The following CCDC174 variants were observed in gnomAD, a reference collection of about 807,000 sequenced individuals.
CCDC174 encodes coiled-coil domain-containing protein 174.
In CCDC174, 37 loss-of-function variants were observed where a neutral mutation model predicts 57.1. The observed-to-expected ratio is 0.65, with a 90% CI of 0.50 to 0.85. The LOEUF (loss-of-function observed/expected upper bound fraction) is 0.85, where lower values mean the gene tolerates loss of function less well. CCDC174 is among the 40% of genes least tolerant of loss of function. CCDC174 has a pLI of 0.00. For synonymous variants in CCDC174, 182 were observed against 190.2 expected, an observed-to-expected ratio of 0.96 and a Z score of 0.35; for missense variants, 540 against 574.3, an observed-to-expected ratio of 0.94 and a Z score of 0.61.
chr3:14,664,925 G>A lies in CCDC174; in HGVS notation c.486-103G>A. 6 of 796,832 alleles carry A rather than the reference G, an allele frequency of 7.5e-6. No individual in the cohort carries two copies. The South Asian group carries it at 8.7e-5, about 12-fold the overall frequency. The allele number at this position is 796,832 out of a possible 1,614,324, so 49.4% of individuals were successfully genotyped here. A position where few individuals can be genotyped will look rare whatever the true frequency, so the allele number is the denominator to read the frequency against. On this transcript the variant is annotated intron_variant, in intron 5 of 10. Coordinates refer to ENST00000383794, the MANE Select transcript of CCDC174 (RefSeq NM_016474.5). ...TCTCTGAGGTTGGGGGCTCTTCTTG[G>A]TAGTGAGGCCTATCTTCCCCCTTCA...
intron 10 of CCDC174, among the ~76,000 whole-genome samples, chr3:14,670,387 A>G (rs960837187): frequency 2.0e-5 from 3 of 152,238 alleles, no homozygotes; most frequent in Admixed American, 6.5e-5. Flanking sequence ...TAAATTCTCC[A>G]GAGTGTCCAC....
At chr3:14,658,961 T>C in intron 4 of CCDC174, 32 bp downstream of exon 4, 1 of 1,458,586 alleles carries the variant, frequency 6.9e-7, no homozygotes, top group East Asian at 2.4e-5. Context: ...TACTTCATTT[T>C]CTATAATGCA....
Position 14,661,576 on chromosome 3 carries a change from C to T in CCDC174, c.354C>T (p.Ile118=). 1 of 1,614,106 alleles carries T rather than the reference C, an allele frequency of 6.2e-7. No homozygotes were observed. The change falls in exon 5 of 11, where the codon ATC becomes ATT. Residue 118 remains isoleucine, a synonymous_variant. Coordinates refer to ENST00000383794, the MANE Select transcript of CCDC174 (RefSeq NM_016474.5). ...ACCTTGTGGATTTCACACAGAAGATCATAGACAAGCGCAAAGAAATGGAGG... is the reference window on the plus strand; with the variant it reads ...ACCTTGTGGATTTCACACAGAAGATTATAGACAAGCGCAAAGAAATGGAGG... ...DMYLVDFTQK[I]IDKRKEMEAS...
rs558741704 is a variant in CCDC174 at position 14,671,051 on chromosome 3, C to G, written c.1261C>G (p.Pro421Ala). 1 of 1,614,116 alleles carries G rather than the reference C, an allele frequency of 6.2e-7. No homozygotes were observed. Among genetic ancestry groups the G allele is most frequent in the Non-Finnish European group, 8.5e-7 (1 of 1,180,010 alleles). ...WSRPGPAQSD[P>A]GQCPDQSHGP... is the part of the protein sequence containing the mutation. The stretch of plus-strand genomic sequence containing the variant: ...CAGACCTGGGCCAGCACAGAGTGAC[C>G]CAGGGCAGTGCCCTGACCAGAGCCA... The change falls in exon 11 of 11, where the codon CCA becomes GCA. Residue 421 changes from proline to alanine, a missense_variant. Pro to Ala is a conservative substitution (Grantham distance 27). Coordinates refer to ENST00000383794, the MANE Select transcript of CCDC174 (RefSeq NM_016474.5).
chr3:14,671,202 A>G lies in CCDC174; in HGVS notation c.*8A>G. ...TACAAACAAGTGACATGATCTTTCA[A>G]AGCACGCTGACTTGGGTTTGTACTT... On this transcript the variant is annotated 3_prime_UTR_variant, in exon 11 of 11. Coordinates refer to ENST00000383794, the MANE Select transcript of CCDC174 (RefSeq NM_016474.5). The G allele has an allele frequency of 6.2e-7, 1 of 1,600,036 alleles. No homozygotes were observed. The highest frequency in any genetic ancestry group is 8.5e-7 in the Non-Finnish European group (1 of 1,170,810).
At chr3:14,653,314 G>T in intron 1 of CCDC174, among the ~76,000 whole-genome samples, 1 of 152,208 alleles carries the variant, frequency 6.6e-6, no homozygotes, top group East Asian at 1.9e-4. Context: ...GGAAAATTTG[G>T]TGTGGTTAAG....
At chr3:14,663,405 A>T (rs2031217550) in intron 5 of CCDC174, among the ~76,000 whole-genome samples, 1 of 152,170 alleles carries the variant, frequency 6.6e-6, no homozygotes, top group Non-Finnish European at 1.5e-5. Flanking sequence ...TTTATTACTG[A>T]CACATACTAG....
In CCDC174 at chr3:14,656,452, C is replaced by T. The variant is rs564508960; in HGVS notation, c.248+823C>T. Among the ~76,000 whole-genome samples the T allele has an allele frequency of 9.1e-4, 138 of 152,262 alleles. 1 individual carries two copies. Among genetic ancestry groups the T allele is most frequent in the African/African-American group, 3.2e-3 (133 of 41,536 alleles). ...GCAGTGTCCCACAACCAATTAGAGTCGTATGAAATGTTTTTGGTAAGAATA... is the reference window on the plus strand; with the variant it reads ...GCAGTGTCCCACAACCAATTAGAGTTGTATGAAATGTTTTTGGTAAGAATA... On this transcript the variant is annotated intron_variant, in intron 3 of 10. Coordinates refer to ENST00000383794, the MANE Select transcript of CCDC174 (RefSeq NM_016474.5).
intron 4 of CCDC174, among the ~76,000 whole-genome samples, chr3:14,661,235 G>A (rs1451877439): frequency 1.3e-5 from 2 of 152,218 alleles, no homozygotes; most frequent in Non-Finnish European, 2.9e-5. Context: ...TGGATGAGTT[G>A]CATAAAATCA....
Position 14,665,032 on chromosome 3 carries a change from G to A in CCDC174, c.490G>A (p.Asp164Asn). ...PPQDPSEEWV[D>N]YVDSLGRSRR... is the part of the protein sequence containing the mutation. ...ATCTTTTTGCTTTCATTTCAGGGTG[G>A]ATTACGTGGACTCTTTGGGGCGTTC... Residue 164 changes from aspartate (D) to asparagine (N), a missense_variant, in exon 6 of 11, where the codon GAT becomes AAT. Coordinates refer to ENST00000383794, the MANE Select transcript of CCDC174 (RefSeq NM_016474.5). 1 of 1,613,084 alleles carries A rather than the reference G, an allele frequency of 6.2e-7. No homozygotes were observed. The highest frequency in any genetic ancestry group is 8.5e-7 in the Non-Finnish European group (1 of 1,179,102).
intron 9 of CCDC174, among the ~76,000 whole-genome samples, chr3:14,668,388 G>T (rs1397871834): frequency 6.6e-6 from 1 of 152,200 alleles, no homozygotes; most frequent in Non-Finnish European, 1.5e-5. Flanking sequence ...ATGAGGATAT[G>T]AAGCAACAAT....
At position 14,671,166 on chromosome 3, in the gene CCDC174, T is replaced by C. The variant is rs1297439753; in HGVS notation, c.1376T>C (p.Met459Thr). Residue 459 changes from methionine (M) to threonine (T), a missense_variant, in exon 11 of 11, where the codon ATG (methionine) becomes ACG (threonine). By Grantham distance (81) the Met-to-Thr change is moderately conservative. Coordinates refer to ENST00000383794, the MANE Select transcript of CCDC174 (RefSeq NM_016474.5). ...PTVTFKTLDD[M>T]ISYYKQVT ...GTTACTTTCAAAACTCTGGATGACA[T>C]GATTTCCTATTACAAACAAGTGACA... 6.2e-7 allele frequency: 1 copy of C among 1,611,696 alleles called. No individual in the cohort carries two copies. The highest frequency in any genetic ancestry group is 8.5e-7 in the Non-Finnish European group (1 of 1,178,190).
At chr3:14,659,842 C>T (rs2031072002) in intron 4 of CCDC174, among the ~76,000 whole-genome samples, 1 of 152,172 alleles carries the variant, frequency 6.6e-6, no homozygotes, top group Non-Finnish European at 1.5e-5. Flanking sequence ...TTGGGCTTAG[C>T]TTTGGCAAGC....
At chr3:14,660,159 T>G (rs544257785) in intron 4 of CCDC174, among the ~76,000 whole-genome samples, 1 of 152,368 alleles carries the variant, frequency 6.6e-6, no homozygotes, top group African/African-American at 2.4e-5. Flanking sequence ...GCCTATGGCC[T>G]TATAACTCAG....
intron 2 of CCDC174, 38 bp from the exon 3 acceptor site, chr3:14,655,491 C>A: frequency 2.2e-6 from 3 of 1,351,968 alleles, no homozygotes; most frequent in South Asian, 1.3e-5. Context: ...TTTTGGCAAT[C>A]ATGTGGTTCT....
chr3:14,664,468 G>C (rs1279539392), intron 5 of CCDC174, among the ~76,000 whole-genome samples: 4 of 152,192 alleles, frequency 2.6e-5, no homozygotes, highest in Non-Finnish European at 4.4e-5. Flanking sequence ...TGTCTAGTTT[G>C]AGCAAAGATG....
At chr3:14,666,989 C>CTGAT (rs2031366156) in intron 7 of CCDC174, 42 bp downstream of exon 7, 6 of 1,514,546 alleles carry the variant, frequency 4.0e-6, no homozygotes, top group Non-Finnish European at 5.3e-6. Context: ...TTATTTTTAA[C>CTGAT]CTTAAACTGA....
At position 14,669,931 on chromosome 3, in the gene CCDC174, T is replaced by C. The variant is rs1458738264; in HGVS notation, c.953-3T>C. ...CAGTGTCTTATTCTTTTACAAAAAA[T>C]AGATGGAGATGTTATTGGGCCTTTG... On this transcript the variant is annotated splice_polypyrimidine_tract_variant and splice_region_variant and intron_variant, in intron 9 of 10. Transcript: ENST00000383794. 1 of 1,613,684 alleles carries C rather than the reference T, an allele frequency of 6.2e-7. No individual in the cohort carries two copies. Among genetic ancestry groups the C allele is most frequent in the Non-Finnish European group, 8.5e-7 (1 of 1,179,828 alleles).
chr3:14,660,731 C>T (rs996213900), intron 4 of CCDC174, among the ~76,000 whole-genome samples: 1 of 152,164 alleles, frequency 6.6e-6, no homozygotes, highest in Non-Finnish European at 1.5e-5. Context: ...GAAAACACCA[C>T]CCCTGGTAAT....
Sources: gnomAD v4.1 joint callset for allele counts (sites outside exome capture counted in the v4.1 genomes callset) on GRCh38, gnomAD v4.1.1 for gene constraint, MANE v1.5 for transcripts, NCBI Gene and HGNC (gene_info 2026-07-23, HGNC 2026-07-21) for gene names.